The following HDAC9 variants were observed in gnomAD, a reference collection of about 807,000 sequenced individuals.
The protein encoded by HDAC9 is histone deacetylase 9.
HDAC9 carries 41 observed loss-of-function variants against 139.4 expected under a neutral mutation model. The ratio of observed to expected loss-of-function variants is 0.29; its 90% CI spans 0.23 to 0.38. HDAC9 has a LOEUF of 0.38. Ranked by LOEUF, HDAC9 falls within the 10% of genes least tolerant of loss-of-function variation. HDAC9 has a pLI of 1.00. For missense variants in HDAC9, 1,147 were observed against 1,297.0 expected (o/e 0.88, Z 1.78); for synonymous variants, 517 against 476.2 (o/e 1.09, Z -1.12).
chr7:18,208,638 A>T (rs910705762), intron 2 of HDAC9, among the ~76,000 whole-genome samples: 5 of 152,154 alleles, frequency 3.3e-5, no homozygotes, highest in African/African-American at 1.2e-4. Flanking sequence ...TGCCTCCAAA[A>T]GTGTTGTGAT....
chr7:18,655,879 T>G (rs964260980), intron 11 of HDAC9, among the ~76,000 whole-genome samples: 2 of 152,134 alleles, frequency 1.3e-5, no homozygotes, highest in African/African-American at 4.8e-5. Flanking sequence ...GTTTGATTGA[T>G]GTTGATTCCA....
At chr7:18,617,619 G>A (rs1327787507) in intron 6 of HDAC9, among the ~76,000 whole-genome samples, 12 of 152,108 alleles carry the variant, frequency 7.9e-5, no homozygotes, top group Non-Finnish European at 1.6e-4. Context: ...TATGCCAAAT[G>A]TATATGCCCA....
chr7:18,991,847 C>A (rs1020778354), intron 25 of HDAC9, among the ~76,000 whole-genome samples: 2 of 152,108 alleles, frequency 1.3e-5, no homozygotes, highest in Non-Finnish European at 2.9e-5. Flanking sequence ...GGTAAACATT[C>A]AATTAGAATA....
intron 12 of HDAC9, chr7:18,667,318 T>G: frequency 3.0e-6 from 3 of 984,834 alleles, no homozygotes; most frequent in Non-Finnish European, 3.6e-6. Context: ...AAAAACACAG[T>G]AACAGGATGA....
intron 17 of HDAC9, among the ~76,000 whole-genome samples, chr7:18,812,358 C>A (rs1381463473): frequency 1.3e-5 from 2 of 151,858 alleles, no homozygotes; most frequent in African/African-American, 2.4e-5. Flanking sequence ...ATCGCTTGCA[C>A]CACTGTTCTG....
chr7:18,149,524 G>GT (rs1174449552), intron 1 of HDAC9, among the ~76,000 whole-genome samples: 1 of 149,346 alleles, frequency 6.7e-6, no homozygotes. Context: ...CATGGCTAAG[G>GT]TTTTTTATTT....
intron 2 of HDAC9, among the ~76,000 whole-genome samples, chr7:18,551,576 C>T (rs1278317011): frequency 9.2e-5 from 14 of 152,142 alleles, no homozygotes; most frequent in Admixed American, 7.9e-4. Flanking sequence ...GTATCAAAAG[C>T]GATCCAATTA....
Position 18,590,466 on chromosome 7 carries a change from G to T in HDAC9, c.395G>T (p.Gly132Val). The T allele has an allele frequency of 6.2e-7, 1 of 1,601,122 alleles. No homozygotes were observed. The change falls in exon 4 of 26, where the codon GGC (glycine) becomes GTC (valine). Residue 132 changes from glycine (G) to valine (V), a missense_variant. Coordinates refer to ENST00000686413, the MANE Select transcript of HDAC9 (RefSeq NM_178425.4). ...GAACAGCAGCTTCCTCCTCTCAGAG[G>T]CAAAGATAGAGGACGAGAAAGTAAG... ...RREQQLPPLR[G>V]KDRGRERAVA...
intron 11 of HDAC9, among the ~76,000 whole-genome samples, chr7:18,656,915 G>A (rs969315787): frequency 2.0e-5 from 3 of 151,948 alleles, no homozygotes; most frequent in East Asian, 1.9e-4. Flanking sequence ...AGCGTACGAC[G>A]GTTCCCCTTT....
chr7:18,790,866 C>T (rs12540224), intron 16 of HDAC9, among the ~76,000 whole-genome samples: 67,252 of 151,980 alleles, frequency 0.44, 15,615 homozygotes, highest in Non-Finnish European at 0.53. Context: ...CCTATGTGCT[C>T]AACATTCTTT....
intron 13 of HDAC9, among the ~76,000 whole-genome samples, chr7:18,729,449 A>T (rs559233070): frequency 6.6e-6 from 1 of 152,298 alleles, no homozygotes; most frequent in East Asian, 1.9e-4. Context: ...CTTTTCTGAC[A>T]TACTTCAGTG....
intron 1 of HDAC9, among the ~76,000 whole-genome samples, chr7:18,382,897 A>T (rs969378544): frequency 6.6e-6 from 1 of 152,228 alleles, no homozygotes; most frequent in East Asian, 1.9e-4. Flanking sequence ...GTGTGTATGT[A>T]TATGTATATA....
chr7:18,472,692 C>G (rs1399701364), intron 1 of HDAC9, among the ~76,000 whole-genome samples: 1 of 152,160 alleles, frequency 6.6e-6, no homozygotes, highest in African/African-American at 2.4e-5. Context: ...CAAGAGATGC[C>G]TTCTCAACCA....
chr7:18,157,849 G>GAGAGAGAGAGAGAGAC (rs1329240003), intron 1 of HDAC9, among the ~76,000 whole-genome samples: 1 of 144,370 alleles, frequency 6.9e-6, no homozygotes, highest in Non-Finnish European at 1.5e-5. Flanking sequence ...GAGAGAGAGA[G>GAGAGAGAGAGAGAGAC]AGACTGAGGA....
At chr7:18,359,795 G>A (rs1359627769) in intron 1 of HDAC9, among the ~76,000 whole-genome samples, 12 of 152,266 alleles carry the variant, frequency 7.9e-5, no homozygotes, top group Admixed American at 3.9e-4. Flanking sequence ...TTTTAGTAGA[G>A]ACAGGGTTTC....
intron 1 of HDAC9, among the ~76,000 whole-genome samples, chr7:18,091,536 G>T (rs1449359214): frequency 1.3e-5 from 2 of 152,204 alleles, no homozygotes; most frequent in Non-Finnish European, 2.9e-5. Context: ...AACTAACTTA[G>T]TTAATATAAG....
chr7:18,846,524 G>A (rs1012254965), intron 21 of HDAC9, among the ~76,000 whole-genome samples: 4 of 152,202 alleles, frequency 2.6e-5, no homozygotes, highest in Non-Finnish European at 2.9e-5. Context: ...AAGGCCATTA[G>A]AACATAATTA....
At chr7:18,264,557 T>G (rs1199083883) in intron 2 of HDAC9, among the ~76,000 whole-genome samples, 1 of 152,216 alleles carries the variant, frequency 6.6e-6, no homozygotes, top group Non-Finnish European at 1.5e-5. Context: ...ATTGCCATGA[T>G]GAAATTGGAT....
chr7:18,925,049 A>C (rs942529007), intron 22 of HDAC9, among the ~76,000 whole-genome samples: 70 of 152,220 alleles, frequency 4.6e-4, no homozygotes, highest in Non-Finnish European at 3.4e-4. Flanking sequence ...CTGAAAAAAT[A>C]GCAAAAAAAT....
Sources: gnomAD v4.1 joint callset for allele counts (sites outside exome capture counted in the v4.1 genomes callset) on GRCh38, gnomAD v4.1.1 for gene constraint, MANE v1.5 for transcripts, NCBI Gene and HGNC (gene_info 2026-07-23, HGNC 2026-07-21) for gene names.